The following MAPRE3 variants were observed in gnomAD, a reference collection of about 807,000 sequenced individuals.
MAPRE3 encodes microtubule associated protein RP/EB family member 3.
A neutral mutation model predicts 30.5 loss-of-function variants in MAPRE3; 2 were observed. That is an observed-to-expected ratio of 0.07 (90% CI 0.03 to 0.21). The LOEUF is 0.21. MAPRE3 is among the 10% of genes least tolerant of loss of function. The pLI is 1.00. For synonymous variants in MAPRE3, 110 were observed against 127.7 expected (o/e 0.86, Z 0.93); for missense variants, 204 against 351.8 (o/e 0.58, Z 3.36).
intron 1 of MAPRE3, among the ~76,000 whole-genome samples, chr2:26,972,411 C>A (rs1665932902): frequency 6.6e-6 from 1 of 152,230 alleles, no homozygotes; most frequent in Non-Finnish European, 1.5e-5. Context: ...TTTACAGTAG[C>A]CAAGACGGCT....
rs546369497 is a variant in MAPRE3 at position 26,990,999 on chromosome 2, A to G, written c.-8+20197A>G. On this transcript the variant is annotated intron_variant, in intron 1 of 6. Coordinates refer to ENST00000233121, the MANE Select transcript of MAPRE3 (RefSeq NM_012326.4). The stretch of plus-strand genomic sequence containing the variant: ...ACGGCCGGGCAGTCTCATGCCTGTA[A>G]TCCCAGCACTTTGGGAGGCCGAGGC... Among the ~76,000 whole-genome samples, 8 of 152,338 alleles carry G rather than the reference A, an allele frequency of 5.3e-5. No homozygotes were observed. In the South Asian group the frequency reaches 1.5e-3, roughly 28 times the overall value.
intron 1 of MAPRE3, among the ~76,000 whole-genome samples, chr2:27,006,678 C>T (rs1666736981): frequency 6.6e-6 from 1 of 152,130 alleles, no homozygotes; most frequent in Non-Finnish European, 1.5e-5. Flanking sequence ...AAGCAGTCCT[C>T]CCGCCCCAGA....
In MAPRE3 at chr2:26,991,230, G is replaced by A. The variant is rs141962036; in HGVS notation, c.-8+20428G>A. On this transcript the variant is annotated intron_variant, in intron 1 of 6. Coordinates refer to ENST00000233121, the MANE Select transcript of MAPRE3 (RefSeq NM_012326.4). ...GTTCGTGCCACTGCACTCCAGCCTG[G>A]GCGACAGAGTGAGACTCCATCCCAA... 3.4e-3 allele frequency among the ~76,000 whole-genome samples: 511 copies of A among 152,252 alleles called. 1 individual carries two copies. The highest frequency in any genetic ancestry group is 4.6e-3 in the South Asian group (22 of 4,824).
At position 26,974,179 on chromosome 2, in the gene MAPRE3, C is replaced by G. The variant is rs557855076; in HGVS notation, c.-8+3377C>G. Among the ~76,000 whole-genome samples, 3 of 152,308 alleles carry G rather than the reference C, an allele frequency of 2.0e-5. No individual in the cohort carries two copies. The South Asian group carries it at 6.2e-4, about 32-fold the overall frequency. On this transcript the variant is annotated intron_variant, in intron 1 of 6. Coordinates refer to ENST00000233121, the MANE Select transcript of MAPRE3 (RefSeq NM_012326.4). ...TCCAGACTAGAGTTATTCTTCAACA[C>G]CACATTGCCTCATCCCTCATAATGT...
chr2:26,981,020 G>T (rs1449202367), intron 1 of MAPRE3, among the ~76,000 whole-genome samples: 2 of 152,080 alleles, frequency 1.3e-5, no homozygotes, highest in Admixed American at 6.5e-5. Flanking sequence ...CCTAAGAAAA[G>T]ACCTTTCTTT....
Position 27,025,655 on chromosome 2 carries a change from C to G in MAPRE3, c.542C>G (p.Pro181Arg), listed in dbSNP as rs781227628. 2.2e-5 allele frequency: 35 copies of G among 1,611,962 alleles called. No homozygotes were observed. The highest frequency in any genetic ancestry group is 6.6e-5 in the South Asian group (6 of 90,740). ...TSGRLSNVAP[P>R]CILRKNPPSA... ...GGCCGGCTGAGCAATGTGGCCCCCC[C>G]CTGCATTCTCCGGAAGAATCCTCCA... is the stretch of plus-strand genomic sequence containing the variant. Residue 181 changes from proline (P) to arginine (R), a missense_variant, in exon 5 of 7, where the codon CCC (proline) becomes CGC (arginine). Transcript: ENST00000233121.
At chr2:27,011,085 C>T (rs1432802958) in intron 1 of MAPRE3, among the ~76,000 whole-genome samples, 1 of 152,262 alleles carries the variant, frequency 6.6e-6, no homozygotes, top group Non-Finnish European at 1.5e-5. Context: ...GCTCCTAAGA[C>T]ATCACCTTCT....
intron 1 of MAPRE3, among the ~76,000 whole-genome samples, chr2:26,992,933 C>G (rs1300751041): frequency 1.3e-5 from 2 of 152,160 alleles, no homozygotes; most frequent in Non-Finnish European, 2.9e-5. Context: ...TCCTATTGCA[C>G]ATGTTGTACT....
At chr2:27,005,227 A>G (rs1666698768) in intron 1 of MAPRE3, among the ~76,000 whole-genome samples, 1 of 152,242 alleles carries the variant, frequency 6.6e-6, no homozygotes, top group Non-Finnish European at 1.5e-5. Context: ...TTCCAGGACT[A>G]TCAAAAATCA....
At chr2:27,005,964 C>T (rs138770674) in intron 1 of MAPRE3, among the ~76,000 whole-genome samples, 3,594 of 152,216 alleles carry the variant, frequency 0.024, 169 homozygotes, top group African/African-American at 0.083. Context: ...GGGCGGATCA[C>T]GAGGTCAGGA....
intron 1 of MAPRE3, among the ~76,000 whole-genome samples, chr2:26,990,107 A>C (rs1232865951): frequency 6.6e-6 from 1 of 152,146 alleles, no homozygotes; most frequent in African/African-American, 2.4e-5. Flanking sequence ...GGAGCCCAGG[A>C]GTGTGAGGCT....
intron 1 of MAPRE3, among the ~76,000 whole-genome samples, chr2:26,973,239 G>A (rs1182188744): frequency 6.6e-6 from 1 of 152,228 alleles, no homozygotes; most frequent in Non-Finnish European, 1.5e-5. Context: ...GCTATTGATA[G>A]TATTCCTGTG....
intron 1 of MAPRE3, among the ~76,000 whole-genome samples, chr2:27,001,195 A>T (rs1428106542): frequency 6.6e-6 from 1 of 152,230 alleles, no homozygotes; most frequent in Non-Finnish European, 1.5e-5. Flanking sequence ...TGCAAACATC[A>T]TAGAGTGTAC....
chr2:26,976,883 T>A (rs889354464), intron 1 of MAPRE3, among the ~76,000 whole-genome samples: 2 of 152,188 alleles, frequency 1.3e-5, no homozygotes, highest in Admixed American at 1.3e-4. Context: ...TCTAGCAATA[T>A]TTAGAAAATC....
At chr2:27,005,750 G>A (rs1265767452) in intron 1 of MAPRE3, among the ~76,000 whole-genome samples, 1 of 152,196 alleles carries the variant, frequency 6.6e-6, no homozygotes, top group Non-Finnish European at 1.5e-5. Flanking sequence ...TTATTATAAT[G>A]AATAGAAATA....
chr2:27,025,569 T>C lies in MAPRE3; in HGVS notation c.470-14T>C, dbSNP rs574191492. The C allele has an allele frequency of 3.2e-6, 5 of 1,551,886 alleles. No individual in the cohort carries two copies. In the South Asian group the frequency reaches 5.0e-5, roughly 16 times the overall value. On this transcript the variant is annotated splice_polypyrimidine_tract_variant and intron_variant, in intron 4 of 6. Coordinates refer to ENST00000233121, the MANE Select transcript of MAPRE3 (RefSeq NM_012326.4). ...GGCTCACGTGGACTTACCTGACTCT[T>C]TTCCTCTGGGCAGTTCCACAGAGGA...
intron 1 of MAPRE3, chr2:26,995,646 G>T (rs1666435488): frequency 6.6e-6 from 1 of 152,000 alleles, no homozygotes; most frequent in Admixed American, 6.5e-5. Context: ...ATAAATAAAA[G>T]AAAAAATAAA....
At chr2:27,024,717 C>T (rs751529397) in intron 4 of MAPRE3, among the ~76,000 whole-genome samples, 37 of 152,216 alleles carry the variant, frequency 2.4e-4, no homozygotes, top group Non-Finnish European at 2.9e-5. Context: ...AGTTGCCAAG[C>T]TGGATCACAC....
intron 1 of MAPRE3, among the ~76,000 whole-genome samples, chr2:27,006,201 A>AAC (rs1666723328): frequency 6.6e-6 from 1 of 151,794 alleles, no homozygotes; most frequent in African/African-American, 2.4e-5. Context: ...AACAAAAACA[A>AAC]AAACAAAAAA....
Sources: allele counts gnomAD v4.1 joint callset (sites outside exome capture counted in the v4.1 genomes callset), GRCh38; gene constraint gnomAD v4.1.1; transcripts MANE v1.5; gene names NCBI Gene and HGNC (gene_info 2026-07-23, HGNC 2026-07-21).